Variants in PIK3C2G observed in about 807,000 individuals in gnomAD.
PIK3C2G encodes phosphatidylinositol-4-phosphate 3-kinase catalytic subunit type 2 gamma.
PIK3C2G carries 168 observed loss-of-function variants against 181.1 expected under a neutral mutation model. The ratio of observed to expected loss-of-function variants is 0.93; its 90% CI spans 0.82 to 1.05. The LOEUF (loss-of-function observed/expected upper bound fraction) is 1.05. Ranked by LOEUF, PIK3C2G falls within the 50% of genes least tolerant of loss-of-function variation. The probability of loss-of-function intolerance (pLI) is 0.00; values close to 1 mark genes in which losing one functional copy is unlikely to be tolerated. For synonymous variants in PIK3C2G, 573 were observed against 592.2 expected (o/e 0.97, Z 0.47); for missense variants, 1,869 against 1,732.8 (o/e 1.08, Z -1.40).
chr12:18,476,230 TG>T (rs1317060482), intron 18 of PIK3C2G, among the ~76,000 whole-genome samples: 1 of 152,064 alleles, frequency 6.6e-6, no homozygotes, highest in East Asian at 1.9e-4. Context: ...GATACACAGA[TG>T]TTGTATAGAA....
the PIK3C2G span, chr12:18,699,997 G>C: frequency 6.5e-7 from 1 of 1,542,504 alleles, no homozygotes; most frequent in South Asian, 1.2e-5. Context: ...TAATCATTGG[G>C]AAAAAAAATT....
At chr12:18,301,188 G>T (rs1387981898) in intron 5 of PIK3C2G, among the ~76,000 whole-genome samples, 1 of 152,098 alleles carries the variant, frequency 6.6e-6, no homozygotes, top group Non-Finnish European at 1.5e-5. Flanking sequence ...CAATGGAAAA[G>T]ACCTTTTTGG....
chr12:18,574,672 T>C (rs930434187), intron 29 of PIK3C2G, among the ~76,000 whole-genome samples: 23 of 152,196 alleles, frequency 1.5e-4, no homozygotes, highest in Non-Finnish European at 2.4e-4. Context: ...ATATATAATA[T>C]CATGTTGCAC....
rs564341726 is a variant in PIK3C2G, at chr12:18,430,509, T to TA, written c.2504+6471dup. Among the ~76,000 whole-genome samples the TA allele has an allele frequency of 4.6e-4, 70 of 152,308 alleles. No individual in the cohort carries two copies. The East Asian group carries it at 0.011, about 25-fold the overall frequency. ...TATTCACTGATATATCACAAGTACC[T>TA]AGAACAGTACTTGGCACTTTATAGA... is the stretch of plus-strand genomic sequence containing the variant. On this transcript the variant is annotated intron_variant, in intron 18 of 32. Transcript: ENST00000538779.
At chr12:18,381,575 T>C (rs1249820437) in intron 13 of PIK3C2G, among the ~76,000 whole-genome samples, 191 bp from the exon 14 acceptor site, 1 of 152,234 alleles carries the variant, frequency 6.6e-6, no homozygotes, top group Non-Finnish European at 1.5e-5. Context: ...TAGCCAAGCA[T>C]GTGGTATATT....
intron 25 of PIK3C2G, among the ~76,000 whole-genome samples, chr12:18,544,620 TTTC>T (rs1345668813): frequency 6.6e-6 from 1 of 151,710 alleles, no homozygotes; most frequent in African/African-American, 2.4e-5. Context: ...AAGATATGAA[TTTC>T]TTGTTAGTTG....
chr12:18,325,218 T>C, intron 8 of PIK3C2G, 120 bp downstream of exon 8: 1 of 613,430 alleles, frequency 1.6e-6, no homozygotes. Flanking sequence ...GGATCTACAC[T>C]TGAAAGGCTT....
At chr12:18,497,105 A>G (rs138871984) in intron 21 of PIK3C2G, among the ~76,000 whole-genome samples, 1 of 152,212 alleles carries the variant, frequency 6.6e-6, no homozygotes, top group Admixed American at 6.5e-5. Context: ...AAACCTTTTA[A>G]CTATCTTCAA....
the PIK3C2G span, among the ~76,000 whole-genome samples, chr12:18,656,365 C>T: frequency 6.6e-6 from 1 of 152,006 alleles, no homozygotes; most frequent in Non-Finnish European, 1.5e-5. Flanking sequence ...ATCACGAGCT[C>T]AGTAGTTCAA....
intron 22 of PIK3C2G, among the ~76,000 whole-genome samples, chr12:18,500,562 C>G (rs1025146045): frequency 2.1e-4 from 32 of 152,318 alleles, no homozygotes; most frequent in Middle Eastern, 3.4e-3. Flanking sequence ...GCAGCTCCAC[C>G]TGCAGCCCCA....
At chr12:18,503,198 G>C (rs1941612040) in intron 22 of PIK3C2G, 83 bp from the exon 23 acceptor site, 1 of 989,008 alleles carries the variant, frequency 1.0e-6, no homozygotes, top group African/African-American at 1.7e-5. Flanking sequence ...AGTAGTGCTG[G>C]AAGCTATTGT....
At chr12:18,519,612 T>A (rs892604824) in intron 24 of PIK3C2G, among the ~76,000 whole-genome samples, 10 of 152,112 alleles carry the variant, frequency 6.6e-5, no homozygotes, top group African/African-American at 2.4e-4. Context: ...ATATGTGTCT[T>A]TGTATGTGAG....
the PIK3C2G span, chr12:18,692,864 A>G: frequency 6.2e-7 from 1 of 1,602,114 alleles, no homozygotes; most frequent in African/African-American, 1.3e-5. Flanking sequence ...AACCTCCTGT[A>G]CCAACTACAG....
chr12:18,345,407 A>G (rs1252280000), intron 10 of PIK3C2G, among the ~76,000 whole-genome samples: 1 of 152,226 alleles, frequency 6.6e-6, no homozygotes, highest in Middle Eastern at 3.2e-3. Flanking sequence ...TATAACAAAT[A>G]AGGAAAATTA....
the PIK3C2G span, chr12:18,694,077 C>T: frequency 1.6e-6 from 2 of 1,222,446 alleles, no homozygotes; most frequent in South Asian, 2.5e-5. Flanking sequence ...CAGGAAGACA[C>T]CCCTGAGGGG....
chr12:18,546,361 A>G lies in PIK3C2G; in HGVS notation c.3519A>G (p.Gln1173=). Residue 1173 remains glutamine (Q), a synonymous_variant, in exon 26 of 33, where the codon CAA becomes CAG. Coordinates refer to ENST00000538779, the MANE Select transcript of PIK3C2G (RefSeq NM_001288772.2). Reference sequence around the variant, plus strand: ...GACTGCCTGAGCTAAGTGGAATTCAAGACCTGAAATATGTGTATAATAATC... The same window carrying G: ...GACTGCCTGAGCTAAGTGGAATTCAGGACCTGAAATATGTGTATAATAATC... The part of the protein sequence containing the change: ...YAGLPELSGI[Q]DLKYVYNNLR... 6.2e-7 allele frequency: 1 copy of G among 1,601,324 alleles called. No individual in the cohort carries two copies.
chr12:18,671,032 C>T, the PIK3C2G span, among the ~76,000 whole-genome samples: 1 of 151,736 alleles, frequency 6.6e-6, no homozygotes, highest in East Asian at 1.9e-4. Context: ...CAAAAATTAG[C>T]CCAGCTTGGT....
At chr12:18,646,521 G>A (rs548407794) in intron 32 of PIK3C2G, among the ~76,000 whole-genome samples, 3 of 152,226 alleles carry the variant, frequency 2.0e-5, no homozygotes, top group Non-Finnish European at 2.9e-5. Context: ...CATTGATAAC[G>A]TAATGAAAGG....
rs150465644 is a variant in PIK3C2G at position 18,613,844 on chromosome 12, C to T, written c.4182+4215C>T. On this transcript the variant is annotated intron_variant, in intron 31 of 32. Coordinates refer to ENST00000538779, the MANE Select transcript of PIK3C2G (RefSeq NM_001288772.2). ...TACACACAATGTGGTGAGTTCGGTACTTGGCACCAAGTAAATTGTGGTGCC... is the reference window on the plus strand; with the variant it reads ...TACACACAATGTGGTGAGTTCGGTATTTGGCACCAAGTAAATTGTGGTGCC... Among the ~76,000 whole-genome samples the T allele has an allele frequency of 3.8e-3, 583 of 152,152 alleles. 2 individuals are homozygous for T. The highest frequency in any genetic ancestry group is 6.1e-3 in the Non-Finnish European group (416 of 68,008).
Sources: gnomAD v4.1 joint callset for allele counts (sites outside exome capture counted in the v4.1 genomes callset) on GRCh38, gnomAD v4.1.1 for gene constraint, MANE v1.5 for transcripts, NCBI Gene and HGNC (gene_info 2026-07-23, HGNC 2026-07-21) for gene names.